The following OXR1 variants were observed in gnomAD, a reference collection of about 807,000 sequenced individuals.
OXR1 encodes oxidation resistance 1.
In OXR1, 41 loss-of-function variants were observed where a neutral mutation model predicts 104.6. The ratio of observed to expected loss-of-function variants is 0.39; its 90% CI spans 0.31 to 0.51. The LOEUF is 0.51. OXR1 is among the 20% of genes least tolerant of loss of function. The pLI, the probability that OXR1 is intolerant of heterozygous loss-of-function variation, is 0.77. For synonymous variants in OXR1, 348 were observed against 348.4 expected (o/e 1.00, Z 0.01); for missense variants, 955 against 1,031.9 (o/e 0.93, Z 1.02).
intron 2 of OXR1, among the ~76,000 whole-genome samples, chr8:106,481,868 T>C (rs913178204): frequency 1.3e-5 from 2 of 152,044 alleles, no homozygotes; most frequent in African/African-American, 4.8e-5. Context: ...AAATGAATTA[T>C]GGGTAGATGA....
intron 2 of OXR1, among the ~76,000 whole-genome samples, chr8:106,379,197 CTG>C (rs1200261051): frequency 2.0e-5 from 3 of 152,172 alleles, no homozygotes; most frequent in Non-Finnish European, 2.9e-5. Context: ...ATTCAGCAAT[CTG>C]TATTCTCTCA....
chr8:106,492,346 A>G (rs973511414), intron 2 of OXR1, among the ~76,000 whole-genome samples: 6 of 152,172 alleles, frequency 3.9e-5, no homozygotes, highest in African/African-American at 1.4e-4. Context: ...TCAGATGAAA[A>G]CTTTAAAAAG....
At chr8:106,379,540 T>TC (rs201521133) in intron 2 of OXR1, among the ~76,000 whole-genome samples, 21 of 135,830 alleles carry the variant, frequency 1.5e-4, no homozygotes, top group South Asian at 4.6e-4. Flanking sequence ...TTTCTTTCTT[T>TC]TTTTTTTTTT....
chr8:106,577,487 T>C (rs4734926), intron 3 of OXR1, among the ~76,000 whole-genome samples: 2 of 146,988 alleles, frequency 1.4e-5, no homozygotes, highest in African/African-American at 5.1e-5. Flanking sequence ...CCTCCCGGGT[T>C]CACACCATTC....
At chr8:106,582,023 C>CAAAAA (rs71307074) in intron 3 of OXR1, among the ~76,000 whole-genome samples, 2 of 69,558 alleles carry the variant, frequency 2.9e-5, no homozygotes, top group African/African-American at 6.0e-5. Context: ...GACTCTGTCT[C>CAAAAA]AAAAAAAAAA....
chr8:106,395,011 A>G (rs960619909), intron 2 of OXR1, among the ~76,000 whole-genome samples: 2 of 150,674 alleles, frequency 1.3e-5, no homozygotes, highest in African/African-American at 2.5e-5. Flanking sequence ...TAGTGGGGGG[A>G]AAAGTAATTG....
At chr8:106,370,114 A>T (rs563604958) in intron 2 of OXR1, among the ~76,000 whole-genome samples, 1 of 152,070 alleles carries the variant, frequency 6.6e-6, no homozygotes, top group African/African-American at 2.4e-5. Flanking sequence ...GGTCCTTCAC[A>T]TCCCTTCTTA....
At chr8:106,673,626 T>C (rs535775824) in intron 3 of OXR1, among the ~76,000 whole-genome samples, 2 of 152,250 alleles carry the variant, frequency 1.3e-5, no homozygotes, top group East Asian at 3.9e-4. Context: ...GGGTAAAATG[T>C]TTCCAGGGCA....
intron 3 of OXR1, among the ~76,000 whole-genome samples, chr8:106,593,818 G>A (rs60330002): frequency 0.012 from 1,822 of 152,304 alleles, 35 homozygotes; most frequent in African/African-American, 0.041. Context: ...AAGTCCAGTT[G>A]TGGAAAGTAA....
At chr8:106,605,459 A>T (rs1334953531) in intron 3 of OXR1, among the ~76,000 whole-genome samples, 1 of 152,074 alleles carries the variant, frequency 6.6e-6, no homozygotes, top group Admixed American at 6.6e-5. Flanking sequence ...CCAGACCAGA[A>T]ATAGCTAGGA....
intron 1 of OXR1, among the ~76,000 whole-genome samples, chr8:106,274,605 C>CG (rs1157828734): frequency 1.5e-5 from 2 of 134,494 alleles, no homozygotes; most frequent in Admixed American, 7.3e-5. Flanking sequence ...ACGCCACCCC[C>CG]CCCCCGACCC....
chr8:106,297,415 T>G (rs1163733478), intron 1 of OXR1, among the ~76,000 whole-genome samples: 1 of 152,196 alleles, frequency 6.6e-6, no homozygotes, highest in East Asian at 1.9e-4. Context: ...CATTGTTATG[T>G]GAACATCATA....
At chr8:106,483,308 G>C (rs1177367652) in intron 2 of OXR1, among the ~76,000 whole-genome samples, 2 of 151,906 alleles carry the variant, frequency 1.3e-5, no homozygotes, top group African/African-American at 4.8e-5. Context: ...TCTGGAGTGG[G>C]GGACAGGGTG....
chr8:106,711,790 A>C (rs1399083284), intron 10 of OXR1, among the ~76,000 whole-genome samples: 1 of 152,064 alleles, frequency 6.6e-6, no homozygotes, highest in Non-Finnish European at 1.5e-5. Flanking sequence ...ACCTGGGGTT[A>C]TTTTACAGAA....
chr8:106,497,853 C>T (rs935135742), intron 2 of OXR1, among the ~76,000 whole-genome samples: 7 of 151,802 alleles, frequency 4.6e-5, no homozygotes, highest in Non-Finnish European at 8.8e-5. Context: ...GAGAGTGAGG[C>T]CAAACATATG....
chr8:106,632,667 T>C (rs1180380886), intron 3 of OXR1, among the ~76,000 whole-genome samples: 1 of 152,220 alleles, frequency 6.6e-6, no homozygotes, highest in East Asian at 1.9e-4. Context: ...TTTTGTAGCC[T>C]GTCATACAAT....
chr8:106,445,755 C>T (rs899817999), intron 2 of OXR1, among the ~76,000 whole-genome samples: 3 of 152,216 alleles, frequency 2.0e-5, no homozygotes, highest in Non-Finnish European at 4.4e-5. Context: ...ACTATTCGTA[C>T]TGCGAGGCTT....
intron 3 of OXR1, among the ~76,000 whole-genome samples, chr8:106,521,650 C>G (rs1057290382): frequency 2.0e-5 from 3 of 152,078 alleles, no homozygotes; most frequent in African/African-American, 7.2e-5. Flanking sequence ...GTAGCTGGGA[C>G]TACAGGCACA....
chr8:106,611,884 A>C (rs1820838686), intron 3 of OXR1, among the ~76,000 whole-genome samples: 1 of 152,166 alleles, frequency 6.6e-6, no homozygotes, highest in Admixed American at 6.5e-5. Context: ...GCCTAAATAG[A>C]CCAAATGTAG....
Sources: allele counts gnomAD v4.1 joint callset (sites outside exome capture counted in the v4.1 genomes callset), GRCh38; gene constraint gnomAD v4.1.1; transcripts MANE v1.5; gene names NCBI Gene and HGNC (gene_info 2026-07-23, HGNC 2026-07-21).